Variants in GRID1 observed in about 807,000 individuals in gnomAD.
GRID1 encodes glutamate ionotropic receptor delta type subunit 1.
GRID1 carries 28 observed loss-of-function variants against 98.0 expected under a neutral mutation model. The ratio of observed to expected loss-of-function variants is 0.29; its 90% CI spans 0.21 to 0.39. The LOEUF (loss-of-function observed/expected upper bound fraction) is 0.39, where lower values mean the gene tolerates loss of function less well. GRID1 is among the 10% of genes least tolerant of loss of function. The probability of loss-of-function intolerance (pLI) is 1.00; values close to 1 mark genes in which losing one functional copy is unlikely to be tolerated. For synonymous variants in GRID1, 553 were observed against 538.5 expected (o/e 1.03, Z -0.37); for missense variants, 1,111 against 1,340.5 (o/e 0.83, Z 2.67).
rs1421824703 is a variant in GRID1 at position 86,151,225 on chromosome 10, C to T, written c.521-12201G>A. On this transcript the variant is annotated intron_variant, in intron 3 of 15. Coordinates refer to ENST00000327946, the MANE Select transcript of GRID1 (RefSeq NM_017551.3). ...GAGAAGGAGGCAGGTTTGCAAACCC[C>T]ATCATGTTTGCAATGGTCTGGTTTG... Among the ~76,000 whole-genome samples, 5 of 152,244 alleles carry T rather than the reference C, an allele frequency of 3.3e-5. No homozygotes were observed. In the East Asian group the frequency reaches 5.8e-4, roughly 18 times the overall value.
chr10:85,780,411 C>G (rs1018665273), intron 8 of GRID1, among the ~76,000 whole-genome samples: 1 of 152,184 alleles, frequency 6.6e-6, no homozygotes, highest in Admixed American at 6.5e-5. Context: ...CTGGTATAAT[C>G]TGGTGTTACA....
chr10:85,817,922 A>C (rs1459252874), intron 8 of GRID1, among the ~76,000 whole-genome samples: 1 of 152,200 alleles, frequency 6.6e-6, no homozygotes, highest in Non-Finnish European at 1.5e-5. Flanking sequence ...TGTAGCACAA[A>C]TGAAAGGCAT....
intron 2 of GRID1, among the ~76,000 whole-genome samples, chr10:86,283,528 G>A (rs1414133658): frequency 6.7e-6 from 1 of 148,414 alleles, no homozygotes; most frequent in South Asian, 2.1e-4. Context: ...TTGCCCACAT[G>A]ACACACACAC....
At chr10:86,290,059 C>A (rs1847491498) in intron 2 of GRID1, among the ~76,000 whole-genome samples, 1 of 152,224 alleles carries the variant, frequency 6.6e-6, no homozygotes, top group Non-Finnish European at 1.5e-5. Context: ...CTGAAGCTAG[C>A]CCATCCTTGG....
intron 3 of GRID1, among the ~76,000 whole-genome samples, chr10:86,180,560 A>AG (rs1435562879): frequency 6.6e-6 from 1 of 151,996 alleles, no homozygotes; most frequent in Non-Finnish European, 1.5e-5. Context: ...CCCTGTCCCA[A>AG]GCTGGGCTGG....
At chr10:85,699,830 C>T (rs1445928791) in intron 12 of GRID1, among the ~76,000 whole-genome samples, 1 of 152,098 alleles carries the variant, frequency 6.6e-6, no homozygotes, top group Non-Finnish European at 1.5e-5. Flanking sequence ...TAGTTTAACG[C>T]AATAATTTAT....
intron 12 of GRID1, among the ~76,000 whole-genome samples, chr10:85,651,632 C>T (rs1843272535): frequency 1.3e-5 from 2 of 152,178 alleles, no homozygotes; most frequent in Admixed American, 6.5e-5. Context: ...TGGACTTTTG[C>T]TTTGTGGGTC....
intron 12 of GRID1, among the ~76,000 whole-genome samples, chr10:85,679,263 G>A (rs1841180099): frequency 6.6e-6 from 1 of 152,124 alleles, no homozygotes; most frequent in African/African-American, 2.4e-5. Context: ...CCCAAACCAT[G>A]GATCTCTCTC....
Position 86,242,870 on chromosome 10 carries a change from T to C in GRID1, c.236-36222A>G, listed in dbSNP as rs58504354. On this transcript the variant is annotated intron_variant, in intron 2 of 15. Transcript: ENST00000327946. ...ACATGCCCACAGTCACAGTAACAAG[T>C]GGTAGGACAGGGATCTGGTACTGAC... Among the ~76,000 whole-genome samples the C allele has an allele frequency of 7.6e-3, 1,152 of 152,232 alleles. 15 individuals are homozygous for C. The highest frequency in any genetic ancestry group is 0.027 in the African/African-American group (1,116 of 41,524).
intron 3 of GRID1, among the ~76,000 whole-genome samples, chr10:86,194,267 G>A (rs556673430): frequency 3.3e-5 from 5 of 152,168 alleles, no homozygotes; most frequent in East Asian, 1.9e-4. Context: ...CCTGTGTGAC[G>A]GCCAAGAACT....
At chr10:85,890,377 A>G (rs533852012) in intron 5 of GRID1, among the ~76,000 whole-genome samples, 1 of 152,312 alleles carries the variant, frequency 6.6e-6, no homozygotes, top group South Asian at 2.1e-4. Context: ...TACAACGTAT[A>G]TGTGCATGAA....
intron 8 of GRID1, among the ~76,000 whole-genome samples, chr10:85,852,759 C>A (rs1843071785): frequency 6.6e-6 from 1 of 152,134 alleles, no homozygotes; most frequent in African/African-American, 2.4e-5. Context: ...CCAATGCTGA[C>A]CACTCATGCC....
chr10:86,046,294 G>C (rs1318021283), intron 4 of GRID1, among the ~76,000 whole-genome samples: 1 of 152,200 alleles, frequency 6.6e-6, no homozygotes, highest in African/African-American at 2.4e-5. Flanking sequence ...TCAGCACACT[G>C]CCTGTGGAGC....
intron 2 of GRID1, among the ~76,000 whole-genome samples, chr10:86,236,298 T>C (rs1224771528): frequency 2.6e-5 from 4 of 152,250 alleles, no homozygotes; most frequent in African/African-American, 9.6e-5. Flanking sequence ...CATTATAAAA[T>C]ATGTGATTTG....
At chr10:85,664,982 A>C (rs1841003424) in intron 12 of GRID1, among the ~76,000 whole-genome samples, 1 of 152,112 alleles carries the variant, frequency 6.6e-6, no homozygotes, top group South Asian at 2.1e-4. Flanking sequence ...ATTGTATAAC[A>C]CAGTATATAT....
rs1843816131 is a variant in GRID1, at chr10:86,072,317, C to T, written c.726+66502G>A. On this transcript the variant is annotated intron_variant, in intron 4 of 15. Transcript: ENST00000327946. ...CTAAGATTTATCACTAACCAAGGGC[C>T]AGGTGCCAGGAGAAGCTTCTGCAAT... Among the ~76,000 whole-genome samples, 6 of 152,188 alleles carry T rather than the reference C, an allele frequency of 3.9e-5. No individual in the cohort carries two copies. The South Asian group carries it at 1.0e-3, about 26-fold the overall frequency.
chr10:86,254,376 C>G (rs1445209367), intron 2 of GRID1, among the ~76,000 whole-genome samples: 1 of 152,228 alleles, frequency 6.6e-6, no homozygotes, highest in African/African-American at 2.4e-5. Flanking sequence ...CCAGCAGCAC[C>G]AGCATCTCCT....
rs11201800 is a variant in GRID1, at chr10:85,796,821, A to G, written c.1233+57675T>C. On this transcript the variant is annotated intron_variant, in intron 8 of 15. Transcript: ENST00000327946. ...GGTATTTTAAGGCATTTTAAGTAAA[A>G]GAACATTAAATCTGAAATTTTATAT... is the stretch of plus-strand genomic sequence containing the variant. Among the ~76,000 whole-genome samples, 957 of 152,342 alleles carry G rather than the reference A, an allele frequency of 6.3e-3. 7 individuals carry two copies. The highest frequency in any genetic ancestry group is 0.021 in the African/African-American group (889 of 41,584).
intron 12 of GRID1, among the ~76,000 whole-genome samples, chr10:85,710,254 G>GT (rs1162267802): frequency 6.6e-6 from 1 of 152,120 alleles, no homozygotes; most frequent in Non-Finnish European, 1.5e-5. Context: ...AAACAATGTA[G>GT]TATTGGTAGG....
Sources: gnomAD v4.1 joint callset for allele counts (sites outside exome capture counted in the v4.1 genomes callset) on GRCh38, gnomAD v4.1.1 for gene constraint, MANE v1.5 for transcripts, NCBI Gene and HGNC (gene_info 2026-07-23, HGNC 2026-07-21) for gene names.